The following TGFBR3 variants were observed in gnomAD, a reference collection of about 807,000 sequenced individuals.
TGFBR3 encodes transforming growth factor beta receptor 3.
In TGFBR3, 46 loss-of-function variants were observed where a neutral mutation model predicts 87.9. That is an observed-to-expected ratio of 0.52 (90% CI 0.41 to 0.67). TGFBR3 has a LOEUF of 0.67. Ranked by LOEUF, TGFBR3 falls within the 30% of genes least tolerant of loss-of-function variation. The pLI, the probability that TGFBR3 is intolerant of heterozygous loss-of-function variation, is 0.00. For synonymous variants in TGFBR3, 381 were observed against 391.6 expected, an observed-to-expected ratio of 0.97 and a Z score of 0.32; for missense variants, 866 against 1,041.9, an observed-to-expected ratio of 0.83 and a Z score of 2.32.
intron 4 of TGFBR3, among the ~76,000 whole-genome samples, chr1:91,755,298 C>G (rs1035082126): frequency 6.6e-6 from 1 of 152,098 alleles, no homozygotes. Flanking sequence ...TCATTTCAGG[C>G]CACAGAGAGG....
intron 13 of TGFBR3, 147 bp from the exon 14 acceptor site, chr1:91,708,930 G>T: frequency 6.9e-6 from 8 of 1,153,170 alleles, no homozygotes; most frequent in Non-Finnish European, 1.0e-5. Context: ...GTTTTTCAGA[G>T]AACACCAAAT....
intron 2 of TGFBR3, among the ~76,000 whole-genome samples, chr1:91,816,815 G>T (rs1263306069): frequency 6.6e-6 from 1 of 152,002 alleles, no homozygotes. Context: ...CTTTACATAA[G>T]CAGAATACAA....
chr1:91,769,087 T>C (rs540704464), intron 3 of TGFBR3, among the ~76,000 whole-genome samples: 1 of 152,310 alleles, frequency 6.6e-6, no homozygotes, highest in East Asian at 1.9e-4. Flanking sequence ...ATGTTAAGAC[T>C]CTACTCACAT....
intron 14 of TGFBR3, among the ~76,000 whole-genome samples, chr1:91,706,572 T>C (rs1171945785): frequency 6.6e-6 from 1 of 152,216 alleles, no homozygotes; most frequent in Non-Finnish European, 1.5e-5. Context: ...GGACAGCTCA[T>C]GAATTACCCA....
At chr1:91,769,329 C>CA (rs901208192) in intron 3 of TGFBR3, among the ~76,000 whole-genome samples, 1 of 152,140 alleles carries the variant, frequency 6.6e-6, no homozygotes, top group Non-Finnish European at 1.5e-5. Context: ...ATTGAGGCTT[C>CA]AAGTCAAAAC....
In TGFBR3 at chr1:91,885,869, G is replaced by T; in HGVS notation, c.-114+9C>A. The T allele has an allele frequency of 2.7e-6, 1 of 367,992 alleles. No individual in the cohort carries two copies. The highest frequency in any genetic ancestry group is 2.0e-5 in the South Asian group (1 of 50,840). 22.8% of individuals were successfully genotyped at this position (367,992 alleles called of 1,614,324 possible). On this transcript the variant is annotated intron_variant, in intron 1 of 16. Coordinates refer to ENST00000212355, the MANE Select transcript of TGFBR3 (RefSeq NM_003243.5). The stretch of plus-strand genomic sequence containing the variant: ...GGCTGCAGCGCCGCGGGGCTGGGCC[G>T]GCACGTACCTCGGAGGCGGTGTGTC...
intron 2 of TGFBR3, among the ~76,000 whole-genome samples, chr1:91,802,166 T>C (rs1232098111): frequency 6.6e-6 from 1 of 151,984 alleles, no homozygotes; most frequent in East Asian, 1.9e-4. Context: ...AAGTTTTCCT[T>C]TGAATATCTT....
chr1:91,838,482 G>A (rs1312303411), intron 2 of TGFBR3, among the ~76,000 whole-genome samples: 10 of 145,338 alleles, frequency 6.9e-5, no homozygotes, highest in Middle Eastern at 3.7e-3. Context: ...TTTTTGAGAC[G>A]GAGTCTCGCC....
At chr1:91,880,448 A>G (rs149014038) in intron 1 of TGFBR3, among the ~76,000 whole-genome samples, 1,765 of 152,114 alleles carry the variant, frequency 0.012, 29 homozygotes, top group African/African-American at 0.03. Context: ...AAATACAAAA[A>G]TTAGCTGGGC....
intron 3 of TGFBR3, among the ~76,000 whole-genome samples, chr1:91,782,029 C>A (rs761103208): frequency 6.6e-6 from 1 of 152,094 alleles, no homozygotes; most frequent in Non-Finnish European, 1.5e-5. Flanking sequence ...ATCTTAACAA[C>A]CACTGGAAAA....
At chr1:91,895,857 A>G (rs1679541534) in intron 2 of TGFBR3, among the ~76,000 whole-genome samples, 1 of 152,184 alleles carries the variant, frequency 6.6e-6, no homozygotes, top group Non-Finnish European at 1.5e-5. Context: ...TTCACCCAGT[A>G]GCTCAGGTCA....
Position 91,681,369 on chromosome 1 carries a change from C to T in TGFBR3, c.*2370G>A, listed in dbSNP as rs1177298923. 1 of 425,556 alleles carries T rather than the reference C, an allele frequency of 2.3e-6. No individual in the cohort carries two copies. Among genetic ancestry groups the T allele is most frequent in the African/African-American group, 2.1e-5 (1 of 48,766 alleles). The allele number at this position is 425,556 out of a possible 1,614,324, so 26.4% of individuals were successfully genotyped here. A position where few individuals can be genotyped will look rare whatever the true frequency, so the allele number is the denominator to read the frequency against. On this transcript the variant is annotated 3_prime_UTR_variant, in exon 17 of 17. Transcript: ENST00000212355. ...TGAATAATAATTCTGACAATGAGAC[C>T]CAAACAAATAAAAGGTGATTTTTTT...
intron 1 of TGFBR3, among the ~76,000 whole-genome samples, chr1:91,875,922 A>G (rs1278526406): frequency 6.6e-6 from 1 of 151,444 alleles, no homozygotes; most frequent in African/African-American, 2.4e-5. Context: ...AAAAAAAAAA[A>G]AAAAAAAGAA....
intron 2 of TGFBR3, among the ~76,000 whole-genome samples, chr1:91,812,815 T>C (rs973003011): frequency 2.6e-5 from 4 of 152,150 alleles, no homozygotes; most frequent in Non-Finnish European, 5.9e-5. Flanking sequence ...GGTTTCACCA[T>C]GTTGGCCAGG....
At chr1:91,707,606 G>A (rs1671837426) in intron 14 of TGFBR3, among the ~76,000 whole-genome samples, 1 of 152,228 alleles carries the variant, frequency 6.6e-6, no homozygotes, top group Admixed American at 6.5e-5. Flanking sequence ...CAGTGTGCTG[G>A]CTTTTGTCAA....
At chr1:91,720,305 G>A in intron 8 of TGFBR3, 75 bp from the exon 9 acceptor site, 2 of 1,379,158 alleles carry the variant, frequency 1.5e-6, no homozygotes, top group African/African-American at 1.4e-5. Flanking sequence ...AGGCAGAACA[G>A]GAGGAATTAG....
intron 3 of TGFBR3, among the ~76,000 whole-genome samples, chr1:91,767,102 T>C (rs1391167676): frequency 7.5e-6 from 1 of 134,170 alleles, no homozygotes; most frequent in Non-Finnish European, 1.6e-5. Context: ...CCACGCACGT[T>C]GGACAATGAA....
intron 16 of TGFBR3, among the ~76,000 whole-genome samples, chr1:91,685,912 T>C (rs1235459416): frequency 3.3e-5 from 5 of 152,224 alleles, no homozygotes; most frequent in African/African-American, 9.6e-5. Flanking sequence ...CATACCCAGC[T>C]GGATCCTCAC....
At chr1:91,879,344 C>G (rs898738734) in intron 1 of TGFBR3, among the ~76,000 whole-genome samples, 67 of 152,052 alleles carry the variant, frequency 4.4e-4, no homozygotes, top group African/African-American at 1.5e-3. Context: ...GAATCCTCTT[C>G]CCAGGATGGA....
Sources: gnomAD v4.1 joint callset for allele counts (sites outside exome capture counted in the v4.1 genomes callset) on GRCh38, gnomAD v4.1.1 for gene constraint, MANE v1.5 for transcripts, NCBI Gene and HGNC (gene_info 2026-07-23, HGNC 2026-07-21) for gene names.